Variants in ARID4B observed in about 807,000 individuals in gnomAD.
ARID4B encodes AT-rich interactive domain-containing protein 4B.
A neutral mutation model predicts 147.5 loss-of-function variants in ARID4B; 26 were observed. The ratio of observed to expected loss-of-function variants is 0.18; its 90% CI spans 0.13 to 0.24. The LOEUF (loss-of-function observed/expected upper bound fraction) is 0.24, where lower values mean the gene tolerates loss of function less well. Ranked by LOEUF, ARID4B falls within the 10% of genes least tolerant of loss-of-function variation. ARID4B has a pLI of 1.00. For synonymous variants in ARID4B, 512 were observed against 507.9 expected (o/e 1.01, Z -0.11); for missense variants, 1,179 against 1,511.5 (o/e 0.78, Z 3.65).
chr1:235,256,696 A>C (rs72756083), intron 4 of ARID4B, among the ~76,000 whole-genome samples: 19,996 of 152,140 alleles, frequency 0.13, 1,526 homozygotes, highest in African/African-American at 0.2. Context: ...TAACTTTCTC[A>C]CTTTTCAGAT....
intron 2 of ARID4B, among the ~76,000 whole-genome samples, chr1:235,290,370 G>A (rs1021163276): frequency 6.6e-6 from 1 of 151,128 alleles, no homozygotes; most frequent in African/African-American, 2.4e-5. Context: ...TTGAACCAGG[G>A]AGGCAGAGGT....
At chr1:235,180,127 C>A in intron 20 of ARID4B, 1 of 127,268 alleles carries the variant, frequency 7.9e-6, no homozygotes, top group Non-Finnish European at 1.6e-5. Flanking sequence ...TCTTTCTTTT[C>A]TTGTTTTTTC....
chr1:235,176,698 A>C, intron 21 of ARID4B: 1 of 368,224 alleles, frequency 2.7e-6, no homozygotes, highest in Non-Finnish European at 5.4e-6. Flanking sequence ...CCTGGCTTTC[A>C]TGGCCTTGCT....
At chr1:235,274,445 T>C (rs770241230) in intron 2 of ARID4B, among the ~76,000 whole-genome samples, 10 of 152,090 alleles carry the variant, frequency 6.6e-5, no homozygotes, top group Non-Finnish European at 1.2e-4. Context: ...AACCTAATAG[T>C]TCTCTGCTAT....
intron 2 of ARID4B, among the ~76,000 whole-genome samples, chr1:235,271,386 T>C (rs1337756644): frequency 6.6e-6 from 1 of 151,164 alleles, no homozygotes; most frequent in East Asian, 1.9e-4. Flanking sequence ...TCACAACACT[T>C]TGGGAGGCTG....
intron 19 of ARID4B, among the ~76,000 whole-genome samples, chr1:235,190,912 A>C (rs1479336066): frequency 6.6e-6 from 1 of 152,228 alleles, no homozygotes; most frequent in Non-Finnish European, 1.5e-5. Flanking sequence ...GTTATTTCCA[A>C]AGAAAGTCAT....
chr1:235,215,493 ATAT>A (rs982164839), intron 16 of ARID4B, among the ~76,000 whole-genome samples: 2 of 151,306 alleles, frequency 1.3e-5, no homozygotes, highest in African/African-American at 4.9e-5. Context: ...GCTATATTAT[ATAT>A]TAAGAGTAAT....
At chr1:235,205,021 C>A (rs1287607696) in intron 17 of ARID4B, among the ~76,000 whole-genome samples, 2 of 152,184 alleles carry the variant, frequency 1.3e-5, no homozygotes, top group African/African-American at 4.8e-5. Context: ...ATGGAAACCA[C>A]TGTCAAATGG....
intron 2 of ARID4B, among the ~76,000 whole-genome samples, chr1:235,312,284 CAAAGAAAAGA>C (rs61523974): frequency 1.1e-4 from 17 of 151,426 alleles, no homozygotes; most frequent in Non-Finnish European, 7.4e-5. Context: ...CAGTCCGTCT[CAAAGAAAAGA>C]AAAGAAAAGA....
chr1:235,310,073 C>A (rs1673938346), intron 2 of ARID4B, among the ~76,000 whole-genome samples: 1 of 151,826 alleles, frequency 6.6e-6, no homozygotes, highest in Admixed American at 6.6e-5. Flanking sequence ...CTAGGAAAAC[C>A]AGAGACCTTT....
At chr1:235,212,490 C>T (rs1666778915) in intron 17 of ARID4B, among the ~76,000 whole-genome samples, 1 of 152,106 alleles carries the variant, frequency 6.6e-6, no homozygotes, top group African/African-American at 2.4e-5. Flanking sequence ...TTGCTATTTG[C>T]TATTTTCTTC....
intron 22 of ARID4B, among the ~76,000 whole-genome samples, chr1:235,174,011 A>T (rs1663664660): frequency 1.3e-5 from 2 of 150,854 alleles, no homozygotes; most frequent in Non-Finnish European, 3.0e-5. Flanking sequence ...GATACTTTTA[A>T]ATCAAATTAC....
At chr1:235,282,012 A>G (rs1671699500) in intron 2 of ARID4B, among the ~76,000 whole-genome samples, 1 of 152,220 alleles carries the variant, frequency 6.6e-6, no homozygotes, top group Admixed American at 6.5e-5. Context: ...AACATACATC[A>G]TGAATATACA....
rs188083160 is a variant in ARID4B at position 235,285,792 on chromosome 1, G to C, written c.7-25040C>G. Reference sequence around the variant, plus strand: ...AAGTCAATAGGATTCCTATACATTAGCAACAATCAGAAATTGAATTTTTAA... The same window carrying C: ...AAGTCAATAGGATTCCTATACATTACCAACAATCAGAAATTGAATTTTTAA... On this transcript the variant is annotated intron_variant, in intron 2 of 23. Transcript: ENST00000264183. 1.8e-3 allele frequency among the ~76,000 whole-genome samples: 280 copies of C among 152,252 alleles called. 2 individuals carry two copies. Among genetic ancestry groups the C allele is most frequent in the Non-Finnish European group, 3.8e-4 (26 of 68,016 alleles).
intron 17 of ARID4B, among the ~76,000 whole-genome samples, chr1:235,197,312 T>C (rs1665572946): frequency 6.6e-6 from 1 of 152,228 alleles, no homozygotes; most frequent in Admixed American, 6.5e-5. Flanking sequence ...AATGTCCTCA[T>C]TGTTAGAGGT....
rs563666417 is a variant in ARID4B at position 235,323,725 on chromosome 1, A to G, written c.6+3189T>C. On this transcript the variant is annotated intron_variant, in intron 2 of 23. Coordinates refer to ENST00000264183, the MANE Select transcript of ARID4B (RefSeq NM_016374.6). ...CTTGAACCTGGGAGGCAGAGGTTGC[A>G]GTGAGCCGAGATCGCACCACTGCAC... 7.9e-5 allele frequency among the ~76,000 whole-genome samples: 12 copies of G among 151,512 alleles called. No homozygotes were observed. The South Asian group carries it at 2.5e-3, about 32-fold the overall frequency.
At chr1:235,177,952 C>A in intron 20 of ARID4B, 39 bp from the exon 21 acceptor site, 1 of 1,176,320 alleles carries the variant, frequency 8.5e-7, no homozygotes, top group Non-Finnish European at 1.2e-6. Flanking sequence ...AAAATAAAAT[C>A]CAACATTCCC....
intron 18 of ARID4B, 120 bp from the exon 19 acceptor site, chr1:235,194,331 AAG>A (rs1416352325): frequency 3.7e-6 from 3 of 802,220 alleles, no homozygotes; most frequent in Non-Finnish European, 3.8e-6. Context: ...CATAAAAAGA[AAG>A]AACATAAGAA....
At chr1:235,255,264 T>TAG (rs377530004) in intron 5 of ARID4B, among the ~76,000 whole-genome samples, 47,802 of 108,972 alleles carry the variant, frequency 0.44, 8,904 homozygotes, top group Non-Finnish European at 0.47. Context: ...GATAGATAGA[T>TAG]ATATATCTCT....
Sources: gnomAD v4.1 joint callset for allele counts (sites outside exome capture counted in the v4.1 genomes callset) on GRCh38, gnomAD v4.1.1 for gene constraint, MANE v1.5 for transcripts, NCBI Gene and HGNC (gene_info 2026-07-23, HGNC 2026-07-21) for gene names.